Variants in HTR2C observed in about 807,000 individuals in gnomAD.
HTR2C encodes 5-hydroxytryptamine (serotonin) receptor 2C, G protein-coupled.
HTR2C carries 5 observed loss-of-function variants against 21.0 expected under a neutral mutation model. The observed-to-expected ratio is 0.24, with a 90% CI of 0.12 to 0.50. The LOEUF is 0.50. Among genes scored for constraint, HTR2C ranks in the 20% least tolerant of loss-of-function variants. The pLI is 0.98. For synonymous variants in HTR2C, 150 were observed against 145.3 expected (o/e 1.03, Z -0.23); for missense variants, 271 against 371.2 (o/e 0.73, Z 2.22).
intron 5 of HTR2C, among the ~76,000 whole-genome samples, chrX:114,862,768 C>T (rs946232196): frequency 4.5e-5 from 5 of 110,748 alleles, no homozygotes; most frequent in African/African-American, 1.3e-4. Context: ...GGCGACGTTA[C>T]AATTCTTCTC....
At chrX:114,871,451 A>C (rs1295135309) in intron 5 of HTR2C, among the ~76,000 whole-genome samples, 1 of 111,621 alleles carries the variant, frequency 9.0e-6, no homozygotes, top group African/African-American at 3.3e-5. Context: ...GGTCTGTAGA[A>C]CAGATTAAGT....
intron 2 of HTR2C, among the ~76,000 whole-genome samples, chrX:114,658,840 A>C (rs782426873): frequency 8.9e-6 from 1 of 111,745 alleles, no homozygotes; most frequent in South Asian, 3.7e-4. Flanking sequence ...TATGTGCTAA[A>C]ATAAGGGGGG....
At chrX:114,749,136 C>A (rs199709749) in intron 4 of HTR2C, among the ~76,000 whole-genome samples, 16 of 97,576 alleles carry the variant, frequency 1.6e-4, no homozygotes, top group South Asian at 1.4e-3. Flanking sequence ...CAAAAAAAAA[C>A]CACACAAAAC....
chrX:114,764,538 C>A (rs2069917498), intron 4 of HTR2C, among the ~76,000 whole-genome samples: 1 of 111,649 alleles, frequency 9.0e-6, no homozygotes, highest in African/African-American at 3.3e-5. Context: ...AAAATAATTT[C>A]ACTACAGGCA....
intron 4 of HTR2C, among the ~76,000 whole-genome samples, chrX:114,750,085 C>T (rs2069747491): frequency 1.8e-5 from 2 of 111,618 alleles, no homozygotes; most frequent in Admixed American, 9.6e-5. Context: ...TGAGTTGACG[C>T]ATCTGTGTGT....
chrX:114,802,733 TCTTTC>T (rs2070361337), intron 4 of HTR2C, among the ~76,000 whole-genome samples: 1 of 103,865 alleles, frequency 9.6e-6, no homozygotes, highest in Admixed American at 1.1e-4. Context: ...TTTCTTTCTT[TCTTTC>T]TTATTATTAT....
intron 5 of HTR2C, among the ~76,000 whole-genome samples, chrX:114,876,394 T>C (rs972952330): frequency 2.7e-4 from 23 of 84,021 alleles, no homozygotes; most frequent in Middle Eastern, 6.0e-3. Flanking sequence ...TGCCGGTTAT[T>C]TCTTTCTTTC....
intron 5 of HTR2C, among the ~76,000 whole-genome samples, chrX:114,882,776 T>C (rs1432000435): frequency 9.1e-6 from 1 of 110,167 alleles, no homozygotes; most frequent in Non-Finnish European, 1.9e-5. Context: ...TCCTAAGAAA[T>C]ATTTATCCGT....
At chrX:114,830,735 G>C (rs1259544647) in intron 4 of HTR2C, among the ~76,000 whole-genome samples, 1 of 104,514 alleles carries the variant, frequency 9.6e-6, no homozygotes, top group Non-Finnish European at 2.0e-5. Context: ...TAGTGTACAT[G>C]TGCACATTGT....
intron 1 of HTR2C, among the ~76,000 whole-genome samples, chrX:114,595,152 T>C (rs1441171347): frequency 1.8e-5 from 2 of 111,921 alleles, no homozygotes; most frequent in African/African-American, 6.5e-5. Flanking sequence ...AAATTACTTA[T>C]GTAAAGTCAC....
At chrX:114,877,778 G>A (rs941826496) in intron 5 of HTR2C, among the ~76,000 whole-genome samples, 5 of 109,661 alleles carry the variant, frequency 4.6e-5, no homozygotes, top group East Asian at 2.9e-4. Flanking sequence ...TTTTCCTCCC[G>A]TTATTAATTT....
At chrX:114,667,062 C>A (rs1931202831) in intron 2 of HTR2C, among the ~76,000 whole-genome samples, 1 of 110,755 alleles carries the variant, frequency 9.0e-6, no homozygotes, top group Non-Finnish European at 1.9e-5. Flanking sequence ...TTTAAGGGAA[C>A]TCTGGGCACT....
intron 4 of HTR2C, among the ~76,000 whole-genome samples, chrX:114,807,591 T>TA (rs1198733747): frequency 9.2e-6 from 1 of 108,283 alleles, no homozygotes; most frequent in Non-Finnish European, 1.9e-5. Flanking sequence ...CACATCTAGG[T>TA]AAATGGGGTA....
chrX:114,601,959 ATGAT>A (rs1308431591), intron 1 of HTR2C, among the ~76,000 whole-genome samples: 1 of 98,909 alleles, frequency 1.0e-5, no homozygotes, highest in Non-Finnish European at 2.0e-5. Flanking sequence ...GTCGTATAGA[ATGAT>A]TGGTGATGGC....
At chrX:114,611,801 C>T (rs1402357310) in intron 1 of HTR2C, among the ~76,000 whole-genome samples, 2 of 111,510 alleles carry the variant, frequency 1.8e-5, no homozygotes, top group Non-Finnish European at 3.8e-5. Context: ...GGGTTCACGT[C>T]ATTCTCCTGC....
chrX:114,873,900 A>T (rs782461466), intron 5 of HTR2C, among the ~76,000 whole-genome samples: 1 of 111,536 alleles, frequency 9.0e-6, no homozygotes, highest in East Asian at 2.8e-4. Context: ...GATTTATCTT[A>T]TAACAAAAAT....
At chrX:114,683,559 C>T (rs782571835) in intron 2 of HTR2C, among the ~76,000 whole-genome samples, 27 of 110,670 alleles carry the variant, frequency 2.4e-4, no homozygotes, top group Admixed American at 1.7e-3. Flanking sequence ...CCAAGGCGGG[C>T]GGATCACTTG....
At chrX:114,858,525 T>G (rs1556471854) in intron 5 of HTR2C, among the ~76,000 whole-genome samples, 1 of 111,842 alleles carries the variant, frequency 8.9e-6, no homozygotes, top group Non-Finnish European at 1.9e-5. Flanking sequence ...ACATTTGATA[T>G]TTTTGCATTT....
intron 4 of HTR2C, among the ~76,000 whole-genome samples, chrX:114,745,536 G>T (rs921056483): frequency 8.9e-6 from 1 of 112,041 alleles, no homozygotes; most frequent in Non-Finnish European, 1.9e-5. Context: ...CAATAGCCAA[G>T]GTTTGGAAGC....
Sources: allele counts gnomAD v4.1 joint callset (sites outside exome capture counted in the v4.1 genomes callset), GRCh38; gene constraint gnomAD v4.1.1; transcripts MANE v1.5; gene names NCBI Gene and HGNC (gene_info 2026-07-23, HGNC 2026-07-21).